Variants in DGKB observed in about 807,000 individuals in gnomAD.
DGKB encodes 90 kDa diacylglycerol kinase.
Under a neutral mutation model 114.3 loss-of-function variants are expected in DGKB, and 67 were observed. That is an observed-to-expected ratio of 0.59 (90% confidence interval 0.48 to 0.72). DGKB has a LOEUF of 0.72. Among genes scored for constraint, DGKB ranks in the 30% least tolerant of loss-of-function variants. The pLI, the probability that DGKB is intolerant of heterozygous loss-of-function variation, is 0.00. For synonymous variants in DGKB, 398 were observed against 323.1 expected (o/e 1.23, Z -2.49); for missense variants, 907 against 975.2 (o/e 0.93, Z 0.93).
chr7:14,777,796 G>A (rs1838427001), intron 2 of DGKB, among the ~76,000 whole-genome samples: 1 of 152,182 alleles, frequency 6.6e-6, no homozygotes, highest in Admixed American at 6.5e-5. Context: ...CCTAAAGGTA[G>A]TGTGAACGGG....
chr7:14,822,744 CTAGT>C (rs1431241558), intron 2 of DGKB, among the ~76,000 whole-genome samples: 1 of 152,050 alleles, frequency 6.6e-6, no homozygotes, highest in Non-Finnish European at 1.5e-5. Context: ...AACTTTAGAG[CTAGT>C]GAGTTGATAG....
chr7:14,443,428 G>C (rs1168018540), intron 21 of DGKB, among the ~76,000 whole-genome samples: 1 of 152,106 alleles, frequency 6.6e-6, no homozygotes, highest in Non-Finnish European at 1.5e-5. Context: ...ACTTCCTTAA[G>C]TGAAAATTAA....
intron 4 of DGKB, among the ~76,000 whole-genome samples, chr7:14,753,447 C>T (rs938810569): frequency 2.2e-4 from 33 of 152,192 alleles, no homozygotes; most frequent in African/African-American, 7.2e-4. Flanking sequence ...CCCAGGAGGG[C>T]AAAATCAACA....
intron 20 of DGKB, among the ~76,000 whole-genome samples, chr7:14,522,692 GT>G: frequency 6.6e-6 from 1 of 152,278 alleles, no homozygotes; most frequent in East Asian, 1.9e-4. Flanking sequence ...TAAACACTTA[GT>G]TGGTTTTATG....
At chr7:14,866,948 C>G (rs554073288) in intron 1 of DGKB, among the ~76,000 whole-genome samples, 10 of 152,144 alleles carry the variant, frequency 6.6e-5, no homozygotes, top group African/African-American at 2.4e-4. Flanking sequence ...TAATATCTCA[C>G]TGATGTTTAA....
At chr7:14,463,998 G>T (rs1833466388) in intron 21 of DGKB, among the ~76,000 whole-genome samples, 1 of 150,416 alleles carries the variant, frequency 6.6e-6, no homozygotes, top group African/African-American at 2.4e-5. Context: ...AACGATTAGT[G>T]ATATTAGCTT....
chr7:14,248,047 C>T (rs921540483), intron 23 of DGKB, among the ~76,000 whole-genome samples: 7 of 151,724 alleles, frequency 4.6e-5, no homozygotes, highest in African/African-American at 1.7e-4. Context: ...AATAGGAGTT[C>T]GATTCTATTC....
intron 14 of DGKB, among the ~76,000 whole-genome samples, chr7:14,623,575 A>T (rs1808033307): frequency 6.6e-6 from 1 of 152,164 alleles, no homozygotes; most frequent in Admixed American, 6.5e-5. Context: ...ATCGTCTCTG[A>T]CTAAAATAAT....
chr7:14,765,784 T>C (rs1308405715), intron 2 of DGKB, among the ~76,000 whole-genome samples: 4 of 151,986 alleles, frequency 2.6e-5, no homozygotes, highest in African/African-American at 7.2e-5. Context: ...TAAAAACTTC[T>C]ATTGAAAACA....
chr7:14,478,763 T>C (rs549185291), intron 20 of DGKB, among the ~76,000 whole-genome samples: 23 of 151,960 alleles, frequency 1.5e-4, no homozygotes, highest in Admixed American at 4.6e-4. Context: ...TTAATAACAG[T>C]TTGGACCACA....
intron 4 of DGKB, among the ~76,000 whole-genome samples, chr7:14,741,034 G>C (rs1384796832): frequency 6.6e-6 from 1 of 152,162 alleles, no homozygotes; most frequent in Admixed American, 6.5e-5. Context: ...GATGCATTCT[G>C]AGCTGGGGGG....
chr7:14,401,315 C>G (rs186216766), intron 21 of DGKB, among the ~76,000 whole-genome samples: 5 of 151,978 alleles, frequency 3.3e-5, no homozygotes, highest in African/African-American at 1.2e-4. Context: ...GCACCTTGTT[C>G]CCTTATCTAC....
At chr7:14,955,018 G>T (rs1786417462) in intron 1 of DGKB, among the ~76,000 whole-genome samples, 2 of 152,040 alleles carry the variant, frequency 1.3e-5, no homozygotes, top group Non-Finnish European at 2.9e-5. Flanking sequence ...CAATAGAGGA[G>T]ACAAGAGAAT....
At chr7:14,575,032 G>A (rs954376199) in intron 19 of DGKB, among the ~76,000 whole-genome samples, 3 of 152,148 alleles carry the variant, frequency 2.0e-5, no homozygotes, top group African/African-American at 7.2e-5. Flanking sequence ...GGCTGAGGCG[G>A]GAGGACTACT....
rs898498515 is a variant in DGKB, at chr7:14,634,526, C to T, written c.1135-4258G>A. ...CACACACACACACACACTTGTTTTG[C>T]CTGAAAAACTGGCTTGAATAATGTG... is the stretch of plus-strand genomic sequence containing the variant. On this transcript the variant is annotated intron_variant, in intron 13 of 25. Transcript: ENST00000402815. Among the ~76,000 whole-genome samples the T allele has an allele frequency of 4.6e-4, 65 of 140,414 alleles. No homozygotes were observed. In the East Asian group the frequency reaches 0.012, roughly 26 times the overall value. 92.1% of individuals were successfully genotyped at this position (140,414 alleles called of 152,430 possible).
At chr7:14,294,689 T>C (rs1374217169) in intron 23 of DGKB, among the ~76,000 whole-genome samples, 1 of 152,206 alleles carries the variant, frequency 6.6e-6, no homozygotes, top group Non-Finnish European at 1.5e-5. Context: ...TTATAGAACT[T>C]CCTCAAAAAC....
chr7:14,242,816 G>A (rs6954527), intron 23 of DGKB, among the ~76,000 whole-genome samples: 76,538 of 151,240 alleles, frequency 0.51, 19,585 homozygotes, highest in African/African-American at 0.54. Context: ...TTTGATGAAA[G>A]TGTCGGCAGC....
intron 1 of DGKB, among the ~76,000 whole-genome samples, chr7:14,930,268 A>C (rs149049202): frequency 6.6e-6 from 1 of 152,224 alleles, no homozygotes; most frequent in East Asian, 1.9e-4. Flanking sequence ...TGAAATTTGC[A>C]TTTTGATAGG....
chr7:14,612,325 A>T (rs1036179039), intron 16 of DGKB, among the ~76,000 whole-genome samples: 2 of 151,790 alleles, frequency 1.3e-5, no homozygotes, highest in Admixed American at 1.3e-4. Flanking sequence ...GCCCACGACC[A>T]TGCCTCGCTA....
Sources: gnomAD v4.1 joint callset for allele counts (sites outside exome capture counted in the v4.1 genomes callset) on GRCh38, gnomAD v4.1.1 for gene constraint, MANE v1.5 for transcripts, NCBI Gene and HGNC (gene_info 2026-07-23, HGNC 2026-07-21) for gene names.